Variants in PCDHA1 observed in about 807,000 individuals in gnomAD.
The protein encoded by PCDHA1 is protocadherin alpha 1.
A neutral mutation model predicts 61.3 loss-of-function variants in PCDHA1; 42 were observed. The ratio of observed to expected loss-of-function variants is 0.69; its 90% confidence interval spans 0.54 to 0.89. The LOEUF (loss-of-function observed/expected upper bound fraction) is 0.89, where lower values mean the gene tolerates loss of function less well. Among genes scored for constraint, PCDHA1 ranks in the 40% least tolerant of loss-of-function variants. The probability of loss-of-function intolerance (pLI) is 0.00; values close to 1 mark genes in which losing one functional copy is unlikely to be tolerated. For missense variants in PCDHA1, 1,256 were observed against 1,235.3 expected, an observed-to-expected ratio of 1.02 and a Z score of -0.25; for synonymous variants, 610 against 553.8, an observed-to-expected ratio of 1.10 and a Z score of -1.43.
intron 1 of PCDHA1, among the ~76,000 whole-genome samples, chr5:140,964,396 G>A (rs2095829712): frequency 6.6e-6 from 1 of 152,188 alleles, no homozygotes; most frequent in South Asian, 2.1e-4. Flanking sequence ...TTTCTCCCAA[G>A]ACATGACATT....
intron 1 of PCDHA1, chr5:140,876,774 G>C: frequency 3.7e-6 from 6 of 1,614,228 alleles, no homozygotes; most frequent in Non-Finnish European, 5.1e-6. Flanking sequence ...GCTCGCCTTC[G>C]CTGTGGGCCA....
At chr5:140,801,966 A>G in intron 1 of PCDHA1, 1 of 1,614,214 alleles carries the variant, frequency 6.2e-7, no homozygotes, top group Middle Eastern at 1.6e-4. Context: ...AAATGCACCA[A>G]ATGGTACCCT....
intron 1 of PCDHA1, chr5:140,852,818 G>A: frequency 1.0e-6 from 1 of 971,786 alleles, no homozygotes; most frequent in Non-Finnish European, 1.2e-6. Flanking sequence ...CCCGCCCTAA[G>A]TCCTCCAGTC....
chr5:140,837,632 C>T (rs2150277792), intron 1 of PCDHA1, among the ~76,000 whole-genome samples: 69 of 151,222 alleles, frequency 4.6e-4, no homozygotes, highest in South Asian at 6.3e-4. Flanking sequence ...TTCCTTCCTT[C>T]CTTTCTTTCT....
rs147430561 is a variant in PCDHA1, at chr5:140,928,238, A to G, written c.2395-50711A>G. 4.7e-4 allele frequency: 756 copies of G among 1,614,188 alleles called. 4 individuals carry two copies. The African/African-American group carries it at 9.0e-3, about 19-fold the overall frequency. Reference sequence around the variant, plus strand: ...AATACACCAAACTTTCCTCAACCCCAGCAGGAACTTTTCGTTGCTGAAAAC... The same window carrying G: ...AATACACCAAACTTTCCTCAACCCCGGCAGGAACTTTTCGTTGCTGAAAAC... On this transcript the variant is annotated intron_variant, in intron 1 of 3. Coordinates refer to ENST00000504120, the MANE Select transcript of PCDHA1 (RefSeq NM_018900.4).
intron 1 of PCDHA1, among the ~76,000 whole-genome samples, chr5:140,820,106 C>A (rs1196354953): frequency 1.3e-5 from 2 of 151,742 alleles, no homozygotes; most frequent in African/African-American, 4.8e-5. Context: ...TTATCATTTT[C>A]TTATGTTTTT....
intron 1 of PCDHA1, among the ~76,000 whole-genome samples, chr5:140,959,089 C>T (rs150796442): frequency 0.023 from 3,565 of 152,100 alleles, 49 homozygotes; most frequent in Middle Eastern, 0.034. Context: ...TCCTTGGTTT[C>T]GGACATTCAG....
intron 1 of PCDHA1, chr5:140,834,522 C>G: frequency 6.2e-7 from 1 of 1,614,068 alleles, no homozygotes; most frequent in Non-Finnish European, 8.5e-7. Context: ...CTTCGTGGGC[C>G]GCATCGCGCA....
At chr5:140,933,928 T>G (rs1055877190) in intron 1 of PCDHA1, among the ~76,000 whole-genome samples, 1 of 152,080 alleles carries the variant, frequency 6.6e-6, no homozygotes, top group Non-Finnish European at 1.5e-5. Flanking sequence ...TGTCCTGTTG[T>G]GACTTTTTTT....
rs148093365 is a variant in PCDHA1, at chr5:140,827,932, A to C, written c.2394+39248A>C. 566 of 1,026,442 alleles carry C rather than the reference A, an allele frequency of 5.5e-4. 1 individual carries two copies. The African/African-American group carries it at 8.1e-3, about 15-fold the overall frequency. 63.6% of individuals were successfully genotyped at this position (1,026,442 alleles called of 1,614,324 possible). A position where few individuals can be genotyped will look rare whatever the true frequency, so the allele number is the denominator to read the frequency against. On this transcript the variant is annotated intron_variant, in intron 1 of 3. Coordinates refer to ENST00000504120, the MANE Select transcript of PCDHA1 (RefSeq NM_018900.4). Reference sequence around the variant, plus strand: ...TGATGTCGCTGTCTACCATGAAGTTATAGCTAGCCAACATTCAAATTTCTT... The same window carrying C: ...TGATGTCGCTGTCTACCATGAAGTTCTAGCTAGCCAACATTCAAATTTCTT...
At chr5:140,927,220 A>T (rs1554204179) in intron 1 of PCDHA1, 1 of 1,614,090 alleles carries the variant, frequency 6.2e-7, no homozygotes, top group Admixed American at 1.7e-5. Flanking sequence ...GCTGCACAAG[A>T]TTCGGATTCA....
chr5:140,857,371 T>C (rs1203627643), intron 1 of PCDHA1: 2 of 1,598,092 alleles, frequency 1.3e-6, no homozygotes, highest in African/African-American at 2.7e-5. Flanking sequence ...CCAGCGTGTC[T>C]GTGGAGGTGG....
chr5:140,943,616 C>T (rs1221074220), intron 1 of PCDHA1, among the ~76,000 whole-genome samples: 3 of 152,048 alleles, frequency 2.0e-5, no homozygotes, highest in African/African-American at 7.3e-5. Context: ...TTTGATTCAT[C>T]TGCATAAGGA....
Position 140,787,139 on chromosome 5 carries a change from T to C in PCDHA1, c.849T>C (p.Ser283=). ...GTGAAGTCGTCTTTTCCTTTGACAGTGGTATTTCTCGTGACATTCAAGAAA... is the reference window on the plus strand; with the variant it reads ...GTGAAGTCGTCTTTTCCTTTGACAGCGGTATTTCTCGTGACATTCAAGAAA... ...VNGEVVFSFD[S]GISRDIQEKF... The change falls in exon 1 of 4, where the codon AGT becomes AGC. Residue 283 remains serine (S), a synonymous_variant. Transcript: ENST00000504120. 1 of 1,614,000 alleles carries C rather than the reference T, an allele frequency of 6.2e-7. No individual in the cohort carries two copies. The highest frequency in any genetic ancestry group is 8.5e-7 in the Non-Finnish European group (1 of 1,179,958).
At chr5:140,873,631 A>G (rs2054392579) in intron 1 of PCDHA1, among the ~76,000 whole-genome samples, 1 of 152,222 alleles carries the variant, frequency 6.6e-6, no homozygotes, top group Non-Finnish European at 1.5e-5. Flanking sequence ...TTTAGGTCAA[A>G]GAGTATGTGA....
At chr5:140,952,338 CAA>C (rs55931446) in intron 1 of PCDHA1, among the ~76,000 whole-genome samples, 119 of 135,000 alleles carry the variant, frequency 8.8e-4, no homozygotes, top group Admixed American at 1.8e-3. Flanking sequence ...AACTCCATCT[CAA>C]AAAAAAAAAA....
At chr5:140,830,464 A>T (rs2150186873) in intron 1 of PCDHA1, 1 of 1,576,848 alleles carries the variant, frequency 6.3e-7, no homozygotes, top group Non-Finnish European at 8.6e-7. Flanking sequence ...ATCAGGATTT[A>T]AATGAAGATC....
In PCDHA1 at chr5:140,843,020, G is replaced by C. The variant is rs142550829; in HGVS notation, c.2394+54336G>C. The C allele has an allele frequency of 3.1e-6, 5 of 1,595,174 alleles. 1 individual carries two copies. Among genetic ancestry groups the C allele is most frequent in the Non-Finnish European group, 4.3e-6 (5 of 1,165,458 alleles). ...GAATGACAACGCGCCGGCACTGCTGGAGCCTCGGGTGGGTGGCACTGGTGG... is the reference window on the plus strand; with the variant it reads ...GAATGACAACGCGCCGGCACTGCTGCAGCCTCGGGTGGGTGGCACTGGTGG... On this transcript the variant is annotated intron_variant, in intron 1 of 3. Coordinates refer to ENST00000504120, the MANE Select transcript of PCDHA1 (RefSeq NM_018900.4).
chr5:140,889,766 A>T (rs2062380294), intron 1 of PCDHA1, among the ~76,000 whole-genome samples: 1 of 152,064 alleles, frequency 6.6e-6, no homozygotes, highest in Non-Finnish European at 1.5e-5. Flanking sequence ...TTGAACTTTG[A>T]CTGGTCTTAA....
Sources: allele counts gnomAD v4.1 joint callset (sites outside exome capture counted in the v4.1 genomes callset), GRCh38; gene constraint gnomAD v4.1.1; transcripts MANE v1.5; gene names NCBI Gene and HGNC (gene_info 2026-07-23, HGNC 2026-07-21).